Variants in ZNF28 observed in about 807,000 individuals in gnomAD.
ZNF28 encodes zinc finger protein KOX24.
Under a neutral mutation model 7.2 loss-of-function variants are expected in ZNF28, and 5 were observed. The ratio of observed to expected loss-of-function variants is 0.70; its 90% CI spans 0.36 to 1.46. The LOEUF (loss-of-function observed/expected upper bound fraction) is 1.46. ZNF28 is among the 40% of genes most tolerant of loss of function. The pLI is 0.03. For synonymous variants in ZNF28, 288 were observed against 292.4 expected, an observed-to-expected ratio of 0.99 and a Z score of 0.15; for missense variants, 879 against 866.6, an observed-to-expected ratio of 1.01 and a Z score of -0.18.
intron 2 of ZNF28, among the ~76,000 whole-genome samples, chr19:52,815,059 G>A (rs1479502627): frequency 2.9e-5 from 4 of 139,726 alleles, no homozygotes; most frequent in Middle Eastern, 3.7e-3. Flanking sequence ...ATATATGTAT[G>A]TATATGTATA....
intron 3 of ZNF28, among the ~76,000 whole-genome samples, chr19:52,802,551 C>T (rs1405405868): frequency 1.3e-5 from 2 of 151,910 alleles, no homozygotes; most frequent in African/African-American, 2.4e-5. Flanking sequence ...GTCACAGGTG[C>T]CTGTAATCCC....
At position 52,818,043 on chromosome 19, in the gene ZNF28, A is replaced by G; in HGVS notation, c.-73-12T>C. On this transcript the variant is annotated splice_polypyrimidine_tract_variant and intron_variant, in intron 1 of 3. Transcript: ENST00000457749. Reference sequence around the variant, plus strand: ...TTTAGAAGTCAATCCTGAATGTTAAAAATATGTTGTTTATTGCTCAGAATC... The same window carrying G: ...TTTAGAAGTCAATCCTGAATGTTAAGAATATGTTGTTTATTGCTCAGAATC... 1 of 1,594,938 alleles carries G rather than the reference A, an allele frequency of 6.3e-7. No individual in the cohort carries two copies. Among genetic ancestry groups the G allele is most frequent in the Non-Finnish European group, 8.6e-7 (1 of 1,168,790 alleles).
intron 2 of ZNF28, among the ~76,000 whole-genome samples, chr19:52,817,699 C>G (rs550450105): frequency 3.3e-5 from 5 of 152,290 alleles, no homozygotes; most frequent in East Asian, 3.9e-4. Context: ...CTCACCCCGT[C>G]TCCATCCATG....
intron 2 of ZNF28, among the ~76,000 whole-genome samples, chr19:52,817,623 G>A (rs542407128): frequency 1.3e-5 from 2 of 152,130 alleles, no homozygotes; most frequent in South Asian, 4.2e-4. Flanking sequence ...ACAGAGAGCT[G>A]ACAGTGCATC....
rs1380352637 is a variant in ZNF28 at position 52,820,319 on chromosome 19, T to A, written c.-74+1267A>T. Among the ~76,000 whole-genome samples, 3 of 135,640 alleles carry A rather than the reference T, an allele frequency of 2.2e-5. 1 individual carries two copies. Among genetic ancestry groups the A allele is most frequent in the African/African-American group, 9.4e-5 (3 of 32,054 alleles). 89.0% of individuals were successfully genotyped at this position (135,640 alleles called of 152,430 possible). On this transcript the variant is annotated intron_variant, in intron 1 of 3. Coordinates refer to ENST00000457749, the MANE Select transcript of ZNF28 (RefSeq NM_006969.5). ...TTTTTAGTAGAGACGGGGTTTCACCTTGTTAGCCAGGATGGTCTCGATCTC... is the reference window on the plus strand; with the variant it reads ...TTTTTAGTAGAGACGGGGTTTCACCATGTTAGCCAGGATGGTCTCGATCTC...
intron 2 of ZNF28, among the ~76,000 whole-genome samples, chr19:52,808,527 C>T (rs747741672): frequency 2.6e-4 from 39 of 151,510 alleles, no homozygotes; most frequent in Admixed American, 1.6e-3. Context: ...ATCCCAGCTA[C>T]GCAGGAGGCT....
chr19:52,802,944 G>T (rs1568649088), intron 3 of ZNF28, among the ~76,000 whole-genome samples: 3 of 151,900 alleles, frequency 2.0e-5, no homozygotes, highest in Non-Finnish European at 2.9e-5. Context: ...TGTATTTTTA[G>T]TAGAGACAGG....
rs143780525 is a variant in ZNF28, at chr19:52,815,671, A to G, written c.15+2273T>C. Among the ~76,000 whole-genome samples the G allele has an allele frequency of 1.6e-3, 233 of 145,908 alleles. 37 individuals carry two copies. Among genetic ancestry groups the G allele is most frequent in the African/African-American group, 5.7e-3 (215 of 37,434 alleles). ...AACCCCATCTCTACTAAAAATACAA[A>G]AAAATTAGCTGGGTGTGGTGGCAGG... On this transcript the variant is annotated intron_variant, in intron 2 of 3. Coordinates refer to ENST00000457749, the MANE Select transcript of ZNF28 (RefSeq NM_006969.5).
rs2062864436 is a variant in ZNF28, at chr19:52,801,177, G to A, written c.668C>T (p.Ser223Phe). ...TTTTAAAAGTGAGCTACAATTAAAGGATTTGCCACTCTCAATACATTGGAA... is the reference window on the plus strand; with the variant it reads ...TTTTAAAAGTGAGCTACAATTAAAGAATTTGCCACTCTCAATACATTGGAA... The part of the protein sequence containing the change: ...KSFQCIESGK[S>F]FNCSSLLKKH... Residue 223 changes from serine to phenylalanine, a missense_variant, in exon 4 of 4, where the codon TCC becomes TTC. Ser to Phe is a radical substitution (Grantham distance 155). This residue lies in a region of ZNF28 where 864 missense variants were observed against 830.2 expected (regional missense o/e 1.04). Transcript: ENST00000457749. 1.2e-6 allele frequency: 2 copies of A among 1,613,938 alleles called. No individual in the cohort carries two copies. The highest frequency in any genetic ancestry group is 2.2e-5 in the South Asian group (2 of 91,080).
chr19:52,812,241 G>C (rs1189653468), intron 2 of ZNF28, among the ~76,000 whole-genome samples: 10 of 137,964 alleles, frequency 7.2e-5, no homozygotes, highest in Non-Finnish European at 1.5e-4. Flanking sequence ...CCCTCTGCCC[G>C]GCCACGACCC....
chr19:52,811,701 A>G (rs1452652454), intron 2 of ZNF28, among the ~76,000 whole-genome samples: 1 of 138,788 alleles, frequency 7.2e-6, no homozygotes, highest in Non-Finnish European at 1.5e-5. Context: ...TCCGGCAACC[A>G]CCCCGTCTGG....
chr19:52,809,788 G>A (rs1197365933), intron 2 of ZNF28: 5 of 505,478 alleles, frequency 9.9e-6, no homozygotes, highest in African/African-American at 8.3e-5. Context: ...CTGGGTGACA[G>A]AGCGAAAAAA....
At position 52,800,607 on chromosome 19, in the gene ZNF28, C is replaced by A. The variant is rs372629160; in HGVS notation, c.1238G>T (p.Cys413Phe). The change falls in exon 4 of 4, where the codon TGT (cysteine) becomes TTT (phenylalanine). Residue 413 changes from cysteine to phenylalanine, a missense_variant. This residue lies in a region of ZNF28 where 864 missense variants were observed against 830.2 expected (regional missense o/e 1.04). Coordinates refer to ENST00000457749, the MANE Select transcript of ZNF28 (RefSeq NM_006969.5). ...TGCAAAAGCCTTGTCACAAACCTTA[C>A]ATTTGTATGGTTTCTCTCCAGTATG... ...RIHTGEKPYK[C>F]KVCDKAFAYN... 1 of 1,613,758 alleles carries A rather than the reference C, an allele frequency of 6.2e-7. No homozygotes were observed. Among genetic ancestry groups the A allele is most frequent in the African/African-American group, 1.3e-5 (1 of 74,894 alleles).
At position 52,801,243 on chromosome 19, in the gene ZNF28, A is replaced by G; in HGVS notation, c.602T>C (p.Leu201Ser). ...KYGNNSLHSS[L>S]LTQKRNVHMR... ...GTGTACATTCCGTTTTTGTGTGAGTAATGAAGAATGGAGGGAATTATTTCC... is the reference window on the plus strand; with the variant it reads ...GTGTACATTCCGTTTTTGTGTGAGTGATGAAGAATGGAGGGAATTATTTCC... Residue 201 changes from leucine to serine, a missense_variant, in exon 4 of 4, where the codon TTA becomes TCA. Coordinates refer to ENST00000457749, the MANE Select transcript of ZNF28 (RefSeq NM_006969.5). 1 of 1,614,176 alleles carries G rather than the reference A, an allele frequency of 6.2e-7. No homozygotes were observed.
At chr19:52,820,646 C>A (rs551673221) in intron 1 of ZNF28, among the ~76,000 whole-genome samples, 16,540 of 150,170 alleles carry the variant, frequency 0.11, 706 homozygotes, top group African/African-American at 0.23. Flanking sequence ...CCCGGCTCCA[C>A]ATCCCTCCTC....
At chr19:52,813,249 G>GAAAAAAAAAAAAAAAAAAAAAA (rs71183837) in intron 2 of ZNF28, among the ~76,000 whole-genome samples, 2 of 62,988 alleles carry the variant, frequency 3.2e-5, no homozygotes, top group African/African-American at 1.2e-4. Flanking sequence ...CTTGAATGGT[G>GAAAAAAAAAAAAAAAAAAAAAA]AAAAAAAAAA....
At chr19:52,809,032 G>C (rs1486666602) in intron 2 of ZNF28, among the ~76,000 whole-genome samples, 1 of 152,190 alleles carries the variant, frequency 6.6e-6, no homozygotes, top group Non-Finnish European at 1.5e-5. Flanking sequence ...GTGCATGTGT[G>C]TGGGGATATA....
Position 52,799,763 on chromosome 19 carries a change from A to G in ZNF28, c.2082T>C (p.Asn694=). Residue 694 remains asparagine (N), a synonymous_variant, in exon 4 of 4, where the codon AAT becomes AAC. Coordinates refer to ENST00000457749, the MANE Select transcript of ZNF28 (RefSeq NM_006969.5). The part of the protein sequence containing the change: ...VHTGEKPYKC[N]ECGKTFSQMS... Reference sequence around the variant, plus strand: ...TCTGACTGAAGGTCTTGCCACACTCATTACACTTGTAAGGTTTCTCTCCAG... The same window carrying G: ...TCTGACTGAAGGTCTTGCCACACTCGTTACACTTGTAAGGTTTCTCTCCAG... 6.2e-7 allele frequency: 1 copy of G among 1,613,880 alleles called. No individual in the cohort carries two copies. The highest frequency in any genetic ancestry group is 1.7e-5 in the Admixed American group (1 of 60,014).
At chr19:52,809,681 C>T (rs146087899) in intron 2 of ZNF28, 50 of 363,402 alleles carry the variant, frequency 1.4e-4, no homozygotes, top group Middle Eastern at 1.6e-3. Context: ...TGTTGGCTGC[C>T]TGTAATCTCA....
Sources: gnomAD v4.1 joint callset for allele counts (sites outside exome capture counted in the v4.1 genomes callset) on GRCh38, gnomAD v4.1.1 for gene constraint, gnomAD v4.1.1 regional missense constraint, MANE v1.5 for transcripts, NCBI Gene and HGNC (gene_info 2026-07-23, HGNC 2026-07-21) for gene names.